Variants in TMEM54 observed in about 807,000 individuals in gnomAD.
TMEM54 encodes beta-casein-like protein.
TMEM54 carries 21 observed loss-of-function variants against 21.3 expected under a neutral mutation model. The ratio of observed to expected loss-of-function variants is 0.99; its 90% confidence interval spans 0.70 to 1.42. The LOEUF (loss-of-function observed/expected upper bound fraction) is 1.42. Among genes scored for constraint, TMEM54 ranks in the 40% most tolerant of loss-of-function variants. TMEM54 has a pLI of 0.00. For synonymous variants in TMEM54, 109 were observed against 125.0 expected, an observed-to-expected ratio of 0.87 and a Z score of 0.86; for missense variants, 246 against 294.0, an observed-to-expected ratio of 0.84 and a Z score of 1.19.
Position 32,895,819 on chromosome 1 carries a change from G to A in TMEM54, c.271-76C>T, listed in dbSNP as rs1641582289. On this transcript the variant is annotated intron_variant, in intron 3 of 5. Coordinates refer to ENST00000373463, the MANE Select transcript of TMEM54 (RefSeq NM_033504.4). The surrounding 1 kb of genome is among the most constrained non-coding windows in gnomAD (Gnocchi z 5.8). ...GCAGCTCTGGCCTCCCTGAGGGTCA[G>A]CCTTACCCTCTCCAAGGAGGCCAGG... 1.9e-6 allele frequency: 3 copies of A among 1,557,064 alleles called. No homozygotes were observed. Among genetic ancestry groups the A allele is most frequent in the Non-Finnish European group, 2.6e-6 (3 of 1,151,506 alleles).
At chr1:32,898,945 G>A (rs1320344966) in intron 1 of TMEM54, among the ~76,000 whole-genome samples, 1 of 152,174 alleles carries the variant, frequency 6.6e-6, no homozygotes, top group Non-Finnish European at 1.5e-5. Flanking sequence ...TTGTCTCTCA[G>A]TGGGTCCATG....
chr1:32,899,407 A>G lies in TMEM54; in HGVS notation c.17-1088T>C, dbSNP rs116358999. Among the ~76,000 whole-genome samples, 1,194 of 150,124 alleles carry G rather than the reference A, an allele frequency of 8.0e-3. 5 individuals carry two copies. Among genetic ancestry groups the G allele is most frequent in the African/African-American group, 0.012 (492 of 41,132 alleles). On this transcript the variant is annotated intron_variant, in intron 1 of 5. Transcript: ENST00000373463. Reference sequence around the variant, plus strand: ...TCTGCAGCTGAAAAAAAAAAAAAAAAAGAAAAAAAGAGGCTGGGCACAGTG... The same window carrying G: ...TCTGCAGCTGAAAAAAAAAAAAAAAGAGAAAAAAAGAGGCTGGGCACAGTG...
intron 1 of TMEM54, among the ~76,000 whole-genome samples, chr1:32,899,391 GAAA>G (rs11284140): frequency 1.4e-4 from 17 of 122,974 alleles, no homozygotes; most frequent in Admixed American, 2.5e-4. Context: ...CTCTGCAGCT[GAAA>G]AAAAAAAAAA....
intron 1 of TMEM54, among the ~76,000 whole-genome samples, chr1:32,899,082 T>A (rs2124052738): frequency 6.6e-6 from 1 of 152,146 alleles, no homozygotes; most frequent in South Asian, 2.1e-4. Flanking sequence ...TGGGACTCAT[T>A]CAGATGCTCT....
chr1:32,896,002 T>G lies in TMEM54; in HGVS notation c.211-33A>C. On this transcript the variant is annotated intron_variant, in intron 2 of 5. Coordinates refer to ENST00000373463, the MANE Select transcript of TMEM54 (RefSeq NM_033504.4). The surrounding 1 kb of genome is among the most constrained non-coding windows in gnomAD (Gnocchi z 4.1). Reference sequence around the variant, plus strand: ...GAAGGCTCAAGTCAGCCCTGACTCCTTGGCTGGAGGAACAGGGGCAGGGGG... The same window carrying G: ...GAAGGCTCAAGTCAGCCCTGACTCCGTGGCTGGAGGAACAGGGGCAGGGGG... 6.2e-6 allele frequency: 10 copies of G among 1,603,076 alleles called. No individual in the cohort carries two copies. Among genetic ancestry groups the G allele is most frequent in the Non-Finnish European group, 8.5e-6 (10 of 1,174,366 alleles).
At chr1:32,900,294 C>T (rs1443774774) in intron 1 of TMEM54, among the ~76,000 whole-genome samples, 1 of 152,226 alleles carries the variant, frequency 6.6e-6, no homozygotes. Flanking sequence ...GGCTGGAGTG[C>T]ACTGGCCTGA....
At position 32,896,629 on chromosome 1, in the gene TMEM54, T is replaced by C. The variant is rs1468951432; in HGVS notation, c.211-660A>G. Among the ~76,000 whole-genome samples, 5 of 152,208 alleles carry C rather than the reference T, an allele frequency of 3.3e-5. No individual in the cohort carries two copies. The highest frequency in any genetic ancestry group is 7.3e-5 in the Non-Finnish European group (5 of 68,030). ...CACACGTTTCCCTAACCAGCCTCGA[T>C]CCCAAGGGGTGGGGCTACCCCACAG... On this transcript the variant is annotated intron_variant, in intron 2 of 5. Transcript: ENST00000373463. The surrounding 1 kb of genome is among the most constrained non-coding windows in gnomAD (Gnocchi z 4.1).
In TMEM54 at chr1:32,895,912, G is replaced by A; in HGVS notation, c.268C>T (p.Leu90=). 1 of 1,612,216 alleles carries A rather than the reference G, an allele frequency of 6.2e-7. No homozygotes were observed. The highest frequency in any genetic ancestry group is 1.3e-5 in the African/African-American group (1 of 75,020). The change falls in exon 3 of 6, where the codon CTG becomes TTG. Residue 90 remains leucine (L), a splice_region_variant and synonymous_variant. Transcript: ENST00000373463. This position sits in a 1 kb window ranked among gnomAD's most constrained non-coding sequence, Gnocchi z 5.8. Reference sequence around the variant, plus strand: ...CCATCCCAGGAGGCACCACGTACCAGGGGGGTGCTAGGGAGGTAGCGTGAC... The same window carrying A: ...CCATCCCAGGAGGCACCACGTACCAAGGGGGTGCTAGGGAGGTAGCGTGAC... ...VLSRYLPSTP[L]RWTVFSSSVA... is the part of the protein sequence containing the mutation.
In TMEM54 at chr1:32,901,241, C is replaced by A; in HGVS notation, c.-3G>T. ...CGCTCACCGAGGCGCAGACACATGT[C>A]GGCTCCGCGCTGGTCCCGCCCCCGG... On this transcript the variant is annotated 5_prime_UTR_variant, in exon 1 of 6. Coordinates refer to ENST00000373463, the MANE Select transcript of TMEM54 (RefSeq NM_033504.4). This position sits in a 1 kb window ranked among gnomAD's most constrained non-coding sequence, Gnocchi z 4.2. 6.8e-7 allele frequency: 1 copy of A among 1,460,112 alleles called. No homozygotes were observed. Among genetic ancestry groups the A allele is most frequent in the Non-Finnish European group, 9.2e-7 (1 of 1,092,808 alleles). The allele number at this position is 1,460,112 out of a possible 1,614,324, so 90.4% of individuals were successfully genotyped here.
In TMEM54 at chr1:32,895,531, C is replaced by G; in HGVS notation, c.459+24G>C. On this transcript the variant is annotated intron_variant, in intron 4 of 5. Transcript: ENST00000373463. The surrounding 1 kb of genome is among the most constrained non-coding windows in gnomAD (Gnocchi z 5.8). ...CCCACCCGTGCGAGGGCCTGGTGCCCCTACTCCAGGCCTAGGTACTCACAT... is the reference window on the plus strand; with the variant it reads ...CCCACCCGTGCGAGGGCCTGGTGCCGCTACTCCAGGCCTAGGTACTCACAT... 1 of 1,590,600 alleles carries G rather than the reference C, an allele frequency of 6.3e-7. No individual in the cohort carries two copies. The highest frequency in any genetic ancestry group is 8.6e-7 in the Non-Finnish European group (1 of 1,166,718).
Position 32,896,913 on chromosome 1 carries a change from A to T in TMEM54, c.211-944T>A, listed in dbSNP as rs1180635814. 3.3e-5 allele frequency among the ~76,000 whole-genome samples: 5 copies of T among 152,250 alleles called. No individual in the cohort carries two copies. Among genetic ancestry groups the T allele is most frequent in the Non-Finnish European group, 5.9e-5 (4 of 68,038 alleles). On this transcript the variant is annotated intron_variant, in intron 2 of 5. Transcript: ENST00000373463. This position sits in a 1 kb window ranked among gnomAD's most constrained non-coding sequence, Gnocchi z 4.1. Reference sequence around the variant, plus strand: ...TGGTGTCAGACACAAATAGTTTCCAATCTGGTTTGGCTTCTGTGTATCAGC... The same window carrying T: ...TGGTGTCAGACACAAATAGTTTCCATTCTGGTTTGGCTTCTGTGTATCAGC...
rs1243120174 is a variant in TMEM54, at chr1:32,896,015, CAG to C, written c.211-48_211-47del. The C allele has an allele frequency of 3.8e-6, 6 of 1,589,516 alleles. No individual in the cohort carries two copies. Among genetic ancestry groups the C allele is most frequent in the South Asian group, 2.3e-5 (2 of 86,998 alleles). ...AGCCCTGACTCCTTGGCTGGAGGAACAGGGGCAGGGGGATCAGGGCCACTCTG... is the reference window on the plus strand; with the variant it reads ...AGCCCTGACTCCTTGGCTGGAGGAACGGGCAGGGGGATCAGGGCCACTCTG... On this transcript the variant is annotated intron_variant, in intron 2 of 5. Transcript: ENST00000373463. This position sits in a 1 kb window ranked among gnomAD's most constrained non-coding sequence, Gnocchi z 4.1.
intron 1 of TMEM54, among the ~76,000 whole-genome samples, chr1:32,900,556 G>A (rs375324617): frequency 1.3e-5 from 2 of 152,172 alleles, no homozygotes; most frequent in Non-Finnish European, 2.9e-5. Context: ...CAGCGCAGCC[G>A]GCAAGGTGCT....
At chr1:32,898,501 C>G (rs1641652404) in intron 1 of TMEM54, 182 bp from the exon 2 acceptor site, 2 of 540,704 alleles carry the variant, frequency 3.7e-6, no homozygotes, top group Non-Finnish European at 6.5e-6. Context: ...GTTCGGGATG[C>G]CTTTGTGAGA....
chr1:32,898,401 G>A, intron 1 of TMEM54, 82 bp from the exon 2 acceptor site: 1 of 1,328,072 alleles, frequency 7.5e-7, no homozygotes, highest in Non-Finnish European at 1.0e-6. Context: ...TGGCCCTAGT[G>A]ATGGACATTG....
chr1:32,895,802 G>A lies in TMEM54; in HGVS notation c.271-59C>T. 3 of 1,548,390 alleles carry A rather than the reference G, an allele frequency of 1.9e-6. No homozygotes were observed. Among genetic ancestry groups the A allele is most frequent in the Non-Finnish European group, 2.6e-6 (3 of 1,145,996 alleles). ...GTGCTTGGCCCCCATGGGCAGCTCT[G>A]GCCTCCCTGAGGGTCAGCCTTACCC... On this transcript the variant is annotated intron_variant, in intron 3 of 5. Coordinates refer to ENST00000373463, the MANE Select transcript of TMEM54 (RefSeq NM_033504.4). This position sits in a 1 kb window ranked among gnomAD's most constrained non-coding sequence, Gnocchi z 5.8.
Position 32,901,142 on chromosome 1 carries a change from C to A in TMEM54, c.16+81G>T. On this transcript the variant is annotated intron_variant, in intron 1 of 5. Coordinates refer to ENST00000373463, the MANE Select transcript of TMEM54 (RefSeq NM_033504.4). This position sits in a 1 kb window ranked among gnomAD's most constrained non-coding sequence, Gnocchi z 4.2. Reference sequence around the variant, plus strand: ...AGCAGGTGGCCTGGCCCCCTGGGGGCTCGGGTTCCGGGCTCAGTGCTCCGC... The same window carrying A: ...AGCAGGTGGCCTGGCCCCCTGGGGGATCGGGTTCCGGGCTCAGTGCTCCGC... 1 of 1,345,232 alleles carries A rather than the reference C, an allele frequency of 7.4e-7. No homozygotes were observed. Among genetic ancestry groups the A allele is most frequent in the Non-Finnish European group, 9.7e-7 (1 of 1,032,378 alleles). 83.3% of individuals were successfully genotyped at this position (1,345,232 alleles called of 1,614,324 possible).
chr1:32,898,212 C>G lies in TMEM54; in HGVS notation c.124G>C (p.Val42Leu). The G allele has an allele frequency of 6.2e-7, 1 of 1,613,714 alleles. No homozygotes were observed. The highest frequency in any genetic ancestry group is 8.5e-7 in the Non-Finnish European group (1 of 1,179,634). Residue 42 changes from valine (V) to leucine (L), a missense_variant, in exon 2 of 6, where the codon GTG becomes CTG. Physicochemically the swap from Val to Leu is conservative, Grantham distance 32. Transcript: ENST00000373463. Reference protein sequence around the residue: ...FITAALFHGTVLRYVGTPQDA... With the variant: ...FITAALFHGTLLRYVGTPQDA... ...TGAGGGGTGCCCACGTAGCGCAGCA[C>G]TGTGCCATGGAACAGGGCAGCTGTG...
rs145753514 is a variant in TMEM54 at position 32,900,415 on chromosome 1, G to A, written c.16+808C>T. Reference sequence around the variant, plus strand: ...CTTTATTTAAATTTTTTGTAGAGACGGATTTCACTATGTTGGCCAGGCTAG... The same window carrying A: ...CTTTATTTAAATTTTTTGTAGAGACAGATTTCACTATGTTGGCCAGGCTAG... On this transcript the variant is annotated intron_variant, in intron 1 of 5. Transcript: ENST00000373463. Among the ~76,000 whole-genome samples, 957 of 152,094 alleles carry A rather than the reference G, an allele frequency of 6.3e-3. 2 individuals are homozygous for A. Among genetic ancestry groups the A allele is most frequent in the Middle Eastern group, 0.01 (3 of 294 alleles).
Sources: allele counts gnomAD v4.1 joint callset (sites outside exome capture counted in the v4.1 genomes callset), GRCh38; gene constraint gnomAD v4.1.1; non-coding constraint Gnocchi (gnomAD v3.1); transcripts MANE v1.5; gene names NCBI Gene and HGNC (gene_info 2026-07-23, HGNC 2026-07-21).